COG7: variants seen among roughly 807,000 people sequenced by gnomAD.
The protein encoded by COG7 is component of oligomeric golgi complex 7.
COG7 carries 49 observed loss-of-function variants against 91.5 expected under a neutral mutation model. The ratio of observed to expected loss-of-function variants is 0.54; its 90% CI spans 0.43 to 0.68. The LOEUF (loss-of-function observed/expected upper bound fraction) is 0.68, where lower values mean the gene tolerates loss of function less well. Ranked by LOEUF, COG7 falls within the 30% of genes least tolerant of loss-of-function variation. The pLI is 0.00. For missense variants in COG7, 895 were observed against 961.3 expected (o/e 0.93, Z 0.91); for synonymous variants, 365 against 388.7 (o/e 0.94, Z 0.72).
intron 6 of COG7, among the ~76,000 whole-genome samples, chr16:23,427,639 C>T (rs1963869665): frequency 6.6e-6 from 1 of 152,176 alleles, no homozygotes; most frequent in Admixed American, 6.5e-5. Flanking sequence ...CTCCCCAGAC[C>T]TGCTTCCTCC....
At chr16:23,439,860 G>C (rs2142092054) in intron 4 of COG7, among the ~76,000 whole-genome samples, 1 of 152,226 alleles carries the variant, frequency 6.6e-6, no homozygotes, top group Non-Finnish European at 1.5e-5. Flanking sequence ...TTTGTTACAT[G>C]CATTTTGCCA....
chr16:23,413,593 G>C, intron 9 of COG7, 29 bp from the exon 10 acceptor site: 2 of 1,204,034 alleles, frequency 1.7e-6, no homozygotes, highest in Non-Finnish European at 2.5e-6. Flanking sequence ...AAATGGTAGG[G>C]AGGTCACCAC....
Position 23,453,145 on chromosome 16 carries a change from G to C in COG7, c.-151C>G. On this transcript the variant is annotated 5_prime_UTR_variant, in exon 1 of 17. Transcript: ENST00000307149. ...CAGGACGGGTAACTTGCCCCTTTGC[G>C]CTTCCCCGCTCAGCGCACTCAGTTT... 1 of 1,443,554 alleles carries C rather than the reference G, an allele frequency of 6.9e-7. No homozygotes were observed. Among genetic ancestry groups the C allele is most frequent in the Non-Finnish European group, 9.1e-7 (1 of 1,094,574 alleles). 89.4% of individuals were successfully genotyped at this position (1,443,554 alleles called of 1,614,324 possible). A position where few individuals can be genotyped will look rare whatever the true frequency, so the allele number is the denominator to read the frequency against.
At chr16:23,392,172 T>C in intron 16 of COG7, 1 of 1,454,112 alleles carries the variant, frequency 6.9e-7, no homozygotes, top group Non-Finnish European at 9.0e-7. Context: ...TTCGAAAACA[T>C]AGATGTCTGA....
rs374816126 is a variant in COG7 at position 23,453,152 on chromosome 16, C to G, written c.-158G>C. ...GGTAACTTGCCCCTTTGCGCTTCCC[C>G]GCTCAGCGCACTCAGTTTGCGGCTG... On this transcript the variant is annotated 5_prime_UTR_variant, in exon 1 of 17. Transcript: ENST00000307149. The G allele has an allele frequency of 5.8e-5, 83 of 1,420,904 alleles. No individual in the cohort carries two copies. The Middle Eastern group carries it at 1.0e-3, about 18-fold the overall frequency. The allele number at this position is 1,420,904 out of a possible 1,614,324, so 88.0% of individuals were successfully genotyped here. A position where few individuals can be genotyped will look rare whatever the true frequency, so the allele number is the denominator to read the frequency against.
rs1389597642 is a variant in COG7 at position 23,452,969 on chromosome 16, T to C, written c.26A>G (p.Asp9Gly). The change falls in exon 1 of 17, where the codon GAC becomes GGC. Residue 9 changes from aspartate to glycine, a missense_variant. Physicochemically the swap from Asp to Gly is moderately conservative, Grantham distance 94. Transcript: ENST00000307149. The stretch of plus-strand genomic sequence containing the variant: ...GATCCACTCCTTCACGTCGAAGTCG[T>C]CTGCCAGGAACTTGGAGAAGTCCAT... Reference protein sequence around the residue: MDFSKFLADDFDVKEWINA... With the variant: MDFSKFLAGDFDVKEWINA... 4 of 1,614,064 alleles carry C rather than the reference T, an allele frequency of 2.5e-6. No homozygotes were observed. In the South Asian group the frequency reaches 4.4e-5, roughly 18 times the overall value.
intron 13 of COG7, among the ~76,000 whole-genome samples, chr16:23,398,912 G>A (rs911692729): frequency 3.3e-5 from 5 of 152,266 alleles, no homozygotes; most frequent in Non-Finnish European, 5.9e-5. Flanking sequence ...ATATAGAGTT[G>A]GGTAAAGGAC....
chr16:23,397,916 C>T, intron 14 of COG7, 130 bp downstream of exon 14: 1 of 777,784 alleles, frequency 1.3e-6, no homozygotes, highest in Non-Finnish European at 2.2e-6. Context: ...GTGCAGACTA[C>T]CCCAAAGCAC....
chr16:23,449,752 A>G (rs924793047), intron 1 of COG7, among the ~76,000 whole-genome samples: 1 of 138,466 alleles, frequency 7.2e-6, no homozygotes, highest in Non-Finnish European at 1.6e-5. Context: ...ACTCCATCTC[A>G]AAAAAAAAAA....
intron 6 of COG7, among the ~76,000 whole-genome samples, chr16:23,427,292 C>T (rs970066868): frequency 1.3e-5 from 2 of 151,430 alleles, no homozygotes; most frequent in Non-Finnish European, 2.9e-5. Context: ...AGGCTAGGCG[C>T]GGCGGCTCAC....
At chr16:23,430,510 G>A (rs1397503391) in intron 6 of COG7, among the ~76,000 whole-genome samples, 1 of 150,198 alleles carries the variant, frequency 6.7e-6, no homozygotes, top group Non-Finnish European at 1.5e-5. Context: ...TTAATAATAT[G>A]TATGGTCTGA....
At chr16:23,440,787 T>C (rs541747261) in intron 4 of COG7, among the ~76,000 whole-genome samples, 1 of 152,040 alleles carries the variant, frequency 6.6e-6, no homozygotes, top group African/African-American at 2.4e-5. Flanking sequence ...TTTAAATAAG[T>C]AGAGAGTTTA....
intron 16 of COG7, among the ~76,000 whole-genome samples, chr16:23,391,626 C>G (rs917583631): frequency 5.3e-5 from 8 of 152,200 alleles, no homozygotes; most frequent in African/African-American, 1.7e-4. Context: ...GGCTGTGTCC[C>G]CAGGGAGCTG....
chr16:23,422,945 T>G (rs1963782850), intron 7 of COG7, among the ~76,000 whole-genome samples: 1 of 149,366 alleles, frequency 6.7e-6, no homozygotes, highest in Admixed American at 6.8e-5. Flanking sequence ...CTCAGAAGGC[T>G]GAGGCAGGAG....
intron 3 of COG7, 32 bp downstream of exon 3, chr16:23,445,016 C>A (rs772652034): frequency 6.7e-7 from 1 of 1,497,222 alleles, no homozygotes; most frequent in South Asian, 1.1e-5. Context: ...GCTTAAATAC[C>A]TTTCATAACA....
chr16:23,426,139 C>G (rs1227462398), intron 6 of COG7, among the ~76,000 whole-genome samples: 1 of 152,158 alleles, frequency 6.6e-6, no homozygotes, highest in Non-Finnish European at 1.5e-5. Flanking sequence ...TTGCTTGAAC[C>G]TGGTAGGCAG....
chr16:23,433,207 C>G (rs1267652206), intron 6 of COG7, among the ~76,000 whole-genome samples: 1 of 152,126 alleles, frequency 6.6e-6, no homozygotes, highest in African/African-American at 2.4e-5. Context: ...TGGACGTAAG[C>G]AATCTTCCTG....
At chr16:23,403,142 T>C (rs1963404811) in intron 13 of COG7, among the ~76,000 whole-genome samples, 1 of 151,826 alleles carries the variant, frequency 6.6e-6, no homozygotes, top group Non-Finnish European at 1.5e-5. Context: ...CCTTGAAAAA[T>C]AATTCGGACA....
At chr16:23,402,228 A>G (rs1963389362) in intron 13 of COG7, among the ~76,000 whole-genome samples, 1 of 152,172 alleles carries the variant, frequency 6.6e-6, no homozygotes, top group Non-Finnish European at 1.5e-5. Flanking sequence ...CTATCCACTG[A>G]TGCCCAATCA....
Sources: gnomAD v4.1 joint callset for allele counts (sites outside exome capture counted in the v4.1 genomes callset) on GRCh38, gnomAD v4.1.1 for gene constraint, MANE v1.5 for transcripts, NCBI Gene and HGNC (gene_info 2026-07-23, HGNC 2026-07-21) for gene names.